Variants in ZCCHC24 observed in about 807,000 individuals in gnomAD.
ZCCHC24 encodes zinc finger CCHC domain-containing protein 24.
In ZCCHC24, 10 loss-of-function variants were observed where a neutral mutation model predicts 26.2. That is an observed-to-expected ratio of 0.38 (90% CI 0.24 to 0.65). The LOEUF (loss-of-function observed/expected upper bound fraction) is 0.65. Ranked by LOEUF, ZCCHC24 falls within the 30% of genes least tolerant of loss-of-function variation. ZCCHC24 has a pLI of 0.54. For missense variants in ZCCHC24, 243 were observed against 329.1 expected, an observed-to-expected ratio of 0.74 and a Z score of 2.03; for synonymous variants, 144 against 147.1, an observed-to-expected ratio of 0.98 and a Z score of 0.15.
At chr10:79,403,600 G>A (rs996628330) in intron 2 of ZCCHC24, 5 of 985,266 alleles carry the variant, frequency 5.1e-6, no homozygotes, top group Admixed American at 6.1e-5. Context: ...GAGGCCACCC[G>A]GGGCTTCCTC....
Position 79,402,190 on chromosome 10 carries a change from G to A in ZCCHC24, c.448-7750C>T, listed in dbSNP as rs555056566. 1.5e-4 allele frequency among the ~76,000 whole-genome samples: 23 copies of A among 152,366 alleles called. No individual in the cohort carries two copies. In the South Asian group the frequency reaches 4.1e-3, roughly 27 times the overall value. ...TCTCTCCTTGAGCCTGGGGCAGTGC[G>A]GAGTAAACAGGGGATAGAGGTCAGA... On this transcript the variant is annotated intron_variant, in intron 2 of 3. Coordinates refer to ENST00000372336, the MANE Select transcript of ZCCHC24 (RefSeq NM_153367.4).
chr10:79,421,772 G>A (rs537573958), intron 2 of ZCCHC24, among the ~76,000 whole-genome samples: 40 of 152,162 alleles, frequency 2.6e-4, no homozygotes, highest in African/African-American at 9.4e-4. Flanking sequence ...GATTATAGGT[G>A]TGCGCCACCA....
At chr10:79,430,264 T>G (rs1344124161) in intron 2 of ZCCHC24, among the ~76,000 whole-genome samples, 5 of 151,950 alleles carry the variant, frequency 3.3e-5, no homozygotes, top group Non-Finnish European at 2.9e-5. Context: ...CCACCACTCA[T>G]GAAGGGAGGA....
Position 79,432,547 on chromosome 10 carries a change from G to A in ZCCHC24, c.447+11C>T. The A allele has an allele frequency of 6.3e-7, 1 of 1,592,608 alleles. No individual in the cohort carries two copies. The highest frequency in any genetic ancestry group is 8.6e-7 in the Non-Finnish European group (1 of 1,169,422). On this transcript the variant is annotated intron_variant, in intron 2 of 3. Transcript: ENST00000372336. The stretch of plus-strand genomic sequence containing the variant: ...AGCCCAAGAGCACCCCCTGGGCCAG[G>A]GCTGCCTTACCTGGGGGCAGTCCTT...
chr10:79,406,229 G>A (rs1250639987), intron 2 of ZCCHC24, among the ~76,000 whole-genome samples: 1 of 152,222 alleles, frequency 6.6e-6, no homozygotes, highest in Non-Finnish European at 1.5e-5. Context: ...CAAATAAGCA[G>A]AAGGCTTCGA....
Position 79,445,476 on chromosome 10 carries a change from C to T in ZCCHC24, c.-36G>A. Reference sequence around the variant, plus strand: ...CGGTGCCGGCCCCTCCCCGGCCGCCCGCTCGCGGCCCCCCTCCGCAGCGGA... The same window carrying T: ...CGGTGCCGGCCCCTCCCCGGCCGCCTGCTCGCGGCCCCCCTCCGCAGCGGA... On this transcript the variant is annotated 5_prime_UTR_variant, in exon 1 of 4. Coordinates refer to ENST00000372336, the MANE Select transcript of ZCCHC24 (RefSeq NM_153367.4). 1.5e-6 allele frequency: 2 copies of T among 1,335,348 alleles called. No individual in the cohort carries two copies. Among genetic ancestry groups the T allele is most frequent in the Non-Finnish European group, 1.9e-6 (2 of 1,036,032 alleles). 82.7% of individuals were successfully genotyped at this position (1,335,348 alleles called of 1,614,324 possible). A position where few individuals can be genotyped will look rare whatever the true frequency, so the allele number is the denominator to read the frequency against.
chr10:79,417,061 G>C (rs2181077), intron 2 of ZCCHC24, among the ~76,000 whole-genome samples: 1 of 152,052 alleles, frequency 6.6e-6, no homozygotes, highest in Non-Finnish European at 1.5e-5. Flanking sequence ...CAGGTGCTGC[G>C]CTAAGTGATT....
intron 2 of ZCCHC24, among the ~76,000 whole-genome samples, chr10:79,411,349 G>A (rs1589667488): frequency 6.6e-6 from 1 of 152,296 alleles, no homozygotes; most frequent in Non-Finnish European, 1.5e-5. Flanking sequence ...TCCCCTGCAG[G>A]TGAGCAAATA....
At chr10:79,388,270 C>T (rs930549528) in intron 3 of ZCCHC24, among the ~76,000 whole-genome samples, 1 of 152,108 alleles carries the variant, frequency 6.6e-6, no homozygotes, top group Non-Finnish European at 1.5e-5. Context: ...GGGAGGGGGA[C>T]ACCAGCTGGT....
intron 2 of ZCCHC24, among the ~76,000 whole-genome samples, chr10:79,396,746 T>G (rs1412424926): frequency 6.6e-6 from 1 of 152,246 alleles, no homozygotes; most frequent in Non-Finnish European, 1.5e-5. Flanking sequence ...TGAGATGATG[T>G]TGCCATAGTA....
chr10:79,404,155 C>T (rs2132187613), intron 2 of ZCCHC24, among the ~76,000 whole-genome samples: 1 of 152,282 alleles, frequency 6.6e-6, no homozygotes, highest in Middle Eastern at 3.4e-3. Flanking sequence ...GGAGCCCCTC[C>T]AGGACCCAGA....
chr10:79,388,201 G>T (rs1403169559), intron 3 of ZCCHC24, among the ~76,000 whole-genome samples: 1 of 152,146 alleles, frequency 6.6e-6, no homozygotes, highest in Non-Finnish European at 1.5e-5. Context: ...CAACTCAATG[G>T]AGATAATGAA....
rs117748654 is a variant in ZCCHC24 at position 79,429,270 on chromosome 10, G to A, written c.447+3288C>T. ...GAAATAGATGAGTGGTTATGGATGC[G>A]AGGGGATGGATGATCAAGAGGTGAC... On this transcript the variant is annotated intron_variant, in intron 2 of 3. Transcript: ENST00000372336. Among the ~76,000 whole-genome samples the A allele has an allele frequency of 1.8e-3, 270 of 152,288 alleles. 1 individual carries two copies. Among genetic ancestry groups the A allele is most frequent in the Non-Finnish European group, 3.1e-3 (208 of 68,022 alleles).
chr10:79,396,084 TTAATA>T lies in ZCCHC24; in HGVS notation c.448-1649_448-1645del, dbSNP rs1309042032. On this transcript the variant is annotated intron_variant, in intron 2 of 3. Coordinates refer to ENST00000372336, the MANE Select transcript of ZCCHC24 (RefSeq NM_153367.4). ...GTCCGGATTTCCCCATTCTAGGTAT[TTAATA>T]TAAGTAGAAACATACAACATTTGTC... Among the ~76,000 whole-genome samples, 80 of 152,242 alleles carry T rather than the reference TTAATA, an allele frequency of 5.3e-4. 1 individual carries two copies. Among genetic ancestry groups the T allele is most frequent in the Non-Finnish European group, 1.0e-4 (7 of 68,048 alleles).
intron 2 of ZCCHC24, among the ~76,000 whole-genome samples, chr10:79,411,859 T>C (rs1288932827): frequency 6.6e-6 from 1 of 151,848 alleles, no homozygotes. Flanking sequence ...TCTGAGAAGG[T>C]TTCTCAGCCC....
At chr10:79,388,497 C>T (rs1422055144) in intron 3 of ZCCHC24, among the ~76,000 whole-genome samples, 1 of 152,160 alleles carries the variant, frequency 6.6e-6, no homozygotes, top group Non-Finnish European at 1.5e-5. Flanking sequence ...GAATCTGGGT[C>T]CCTGTCACCT....
chr10:79,436,399 G>C (rs1382703220), intron 1 of ZCCHC24, among the ~76,000 whole-genome samples: 2 of 152,202 alleles, frequency 1.3e-5, no homozygotes, highest in African/African-American at 4.8e-5. Flanking sequence ...CACAGATCCA[G>C]GTGCTCCTGA....
chr10:79,444,027 T>A, intron 1 of ZCCHC24: 1 of 1,461,026 alleles, frequency 6.8e-7, no homozygotes, highest in Non-Finnish European at 9.1e-7. Flanking sequence ...CTCCCTCTCT[T>A]ACCCCCAGCA....
intron 3 of ZCCHC24, among the ~76,000 whole-genome samples, chr10:79,390,982 ACT>A (rs1281209750): frequency 2.0e-5 from 3 of 151,936 alleles, no homozygotes; most frequent in African/African-American, 7.3e-5. Context: ...GAGAGGCACC[ACT>A]CTCATACCCC....
Sources: gnomAD v4.1 joint callset for allele counts (sites outside exome capture counted in the v4.1 genomes callset) on GRCh38, gnomAD v4.1.1 for gene constraint, MANE v1.5 for transcripts, NCBI Gene and HGNC (gene_info 2026-07-23, HGNC 2026-07-21) for gene names.